Variants in DAB1 observed in about 807,000 individuals in gnomAD.
The protein encoded by DAB1 is DAB adaptor protein 1, also known as disabled homolog 1.
DAB1 carries 15 observed loss-of-function variants against 64.6 expected under a neutral mutation model. The ratio of observed to expected loss-of-function variants is 0.23; its 90% CI spans 0.16 to 0.36. The LOEUF is 0.36. Ranked by LOEUF, DAB1 falls within the 10% of genes least tolerant of loss-of-function variation. The pLI is 1.00. For synonymous variants in DAB1, 235 were observed against 251.9 expected (o/e 0.93, Z 0.64); for missense variants, 596 against 706.7 (o/e 0.84, Z 1.78).
chr1:57,180,530 T>A (rs568299138), intron 2 of DAB1, among the ~76,000 whole-genome samples: 1 of 152,266 alleles, frequency 6.6e-6, no homozygotes, highest in Non-Finnish European at 1.5e-5. Context: ...GGGGTAAAGA[T>A]TTTCTGAAGT....
intron 6 of DAB1, among the ~76,000 whole-genome samples, chr1:57,684,347 TA>T (rs373699616): frequency 6.1e-5 from 9 of 147,476 alleles, no homozygotes; most frequent in African/African-American, 7.5e-5. Flanking sequence ...CAATGCAAAA[TA>T]AAAAAAAAAT....
chr1:58,331,785 T>C (rs1662975036), intron 4 of DAB1, among the ~76,000 whole-genome samples: 1 of 152,234 alleles, frequency 6.6e-6, no homozygotes, highest in Non-Finnish European at 1.5e-5. Flanking sequence ...TACAGTATAG[T>C]GTAAACATAA....
intron 1 of DAB1, among the ~76,000 whole-genome samples, chr1:57,378,454 GA>G (rs1330713540): frequency 1.3e-5 from 2 of 152,080 alleles, no homozygotes; most frequent in Non-Finnish European, 2.9e-5. Flanking sequence ...TCTTAATTAC[GA>G]AAAGCTATAA....
intron 5 of DAB1, among the ~76,000 whole-genome samples, chr1:58,112,788 A>G (rs2100653722): frequency 6.6e-6 from 1 of 152,290 alleles, no homozygotes; most frequent in Middle Eastern, 3.4e-3. Context: ...GAAGCACCAC[A>G]TACATGCTCC....
At chr1:57,825,192 C>G (rs569851966), downstream of DAB1, among the ~76,000 whole-genome samples, 2 of 152,032 alleles carry the variant, frequency 1.3e-5, no homozygotes, top group Non-Finnish European at 2.9e-5. Context: ...CCTGGTAACC[C>G]CAGACTGAGT....
At position 57,835,232 on chromosome 1, in the gene DAB1, T is replaced by C. The variant is rs557500151; in HGVS notation, n.88-8777A>G. The stretch of plus-strand genomic sequence containing the variant: ...GTGTTGATATCAGGCAATGCTATGA[T>C]CTAGGGTCAGAAAGGCATCTGACAT... On this transcript the variant is annotated intron_variant and non_coding_transcript_variant, in intron 1 of 1. Coordinates refer to the DAB1 transcript ENST00000477280. Among the ~76,000 whole-genome samples, 57 of 152,236 alleles carry C rather than the reference T, an allele frequency of 3.7e-4. 1 individual carries two copies. Among genetic ancestry groups the C allele is most frequent in the Admixed American group, 3.1e-3 (48 of 15,290 alleles).
intron 1 of DAB1, among the ~76,000 whole-genome samples, chr1:57,406,776 C>T (rs1165439914): frequency 6.6e-6 from 1 of 152,174 alleles, no homozygotes; most frequent in Non-Finnish European, 1.5e-5. Flanking sequence ...GATCCGAATC[C>T]TGTGGGCTGT....
intron 2 of DAB1, among the ~76,000 whole-genome samples, chr1:57,234,705 C>G (rs1313795122): frequency 1.3e-5 from 2 of 152,116 alleles, no homozygotes; most frequent in Admixed American, 1.3e-4. Context: ...AGGCCAAAAT[C>G]AAGGTATTGA....
At chr1:57,461,836 T>C (rs557248395) in intron 7 of DAB1, among the ~76,000 whole-genome samples, 1 of 151,520 alleles carries the variant, frequency 6.6e-6, no homozygotes, top group East Asian at 1.9e-4. Flanking sequence ...CTTGTCTTAA[T>C]AATATAATAT....
At chr1:57,502,913 T>C (rs956093881) in intron 7 of DAB1, among the ~76,000 whole-genome samples, 5 of 152,214 alleles carry the variant, frequency 3.3e-5, no homozygotes, top group African/African-American at 4.8e-5. Flanking sequence ...CCAGTAATAA[T>C]AGATAGCACA....
chr1:58,294,069 T>C (rs1319721832), intron 4 of DAB1, among the ~76,000 whole-genome samples: 2 of 152,192 alleles, frequency 1.3e-5, no homozygotes, highest in Non-Finnish European at 2.9e-5. Context: ...CTGGGTCCTT[T>C]AGTGTTTTCT....
chr1:57,307,396 G>A (rs1375445502), intron 1 of DAB1: 2 of 152,400 alleles, frequency 1.3e-5, no homozygotes, highest in African/African-American at 4.8e-5. Flanking sequence ...CACCCTGAAT[G>A]ATAGTGAAAG....
At chr1:57,053,660 C>CTATATATATA (rs1553134276) in intron 9 of DAB1, among the ~76,000 whole-genome samples, 7 of 116,700 alleles carry the variant, frequency 6.0e-5, no homozygotes, top group African/African-American at 2.3e-4. Context: ...CTCTCTCTCT[C>CTATATATATA]TATATGTATA....
At position 57,459,586 on chromosome 1, in the gene DAB1, C is replaced by T. The variant is rs149275547; in HGVS notation, n.626-168420G>A. Reference sequence around the variant, plus strand: ...ATGAAAAAATAAACCAAAGTAAAAACTCATTGGATTTCTTGGACATTAAAC... The same window carrying T: ...ATGAAAAAATAAACCAAAGTAAAAATTCATTGGATTTCTTGGACATTAAAC... On this transcript the variant is annotated intron_variant and non_coding_transcript_variant, in intron 7 of 20. Coordinates refer to the DAB1 transcript ENST00000485760. Among the ~76,000 whole-genome samples, 319 of 152,138 alleles carry T rather than the reference C, an allele frequency of 2.1e-3. 1 individual carries two copies. The highest frequency in any genetic ancestry group is 6.4e-3 in the African/African-American group (264 of 41,518).
intron 4 of DAB1, among the ~76,000 whole-genome samples, chr1:58,226,804 C>T (rs934583709): frequency 3.3e-5 from 5 of 152,104 alleles, no homozygotes; most frequent in African/African-American, 9.7e-5. Flanking sequence ...AAGCACAGAG[C>T]GATAGGTTTT....
chr1:57,886,445 T>C (rs1644223804), upstream of DAB1, among the ~76,000 whole-genome samples: 1 of 152,212 alleles, frequency 6.6e-6, no homozygotes, highest in Admixed American at 6.5e-5. Context: ...CGTGAGCCAC[T>C]GCACCCGGCA....
intron 4 of DAB1, among the ~76,000 whole-genome samples, chr1:58,300,606 AAGAAAGAGAGAGAG>A (rs1361218002): frequency 1.2e-3 from 47 of 37,976 alleles, no homozygotes; most frequent in South Asian, 2.2e-3. Flanking sequence ...GAAAGAAAGA[AAGAAAGAGAGAGAG>A]AGAGAGAGAG....
intron 3 of DAB1, among the ~76,000 whole-genome samples, chr1:58,374,890 C>T (rs1644307897): frequency 7.3e-6 from 1 of 137,518 alleles, no homozygotes; most frequent in Admixed American, 7.2e-5. Context: ...TGAAGAGGTC[C>T]TTCACATCCC....
chr1:57,498,516 CA>C (rs1289936801), intron 7 of DAB1, among the ~76,000 whole-genome samples: 68 of 152,272 alleles, frequency 4.5e-4, no homozygotes, highest in African/African-American at 1.5e-3. Flanking sequence ...AGGGAGTGGT[CA>C]ACAATGCCAA....
Sources: allele counts gnomAD v4.1 joint callset (sites outside exome capture counted in the v4.1 genomes callset), GRCh38; gene constraint gnomAD v4.1.1; transcripts MANE v1.5; gene names NCBI Gene and HGNC (gene_info 2026-07-23, HGNC 2026-07-21).